Variants in KIAA1217 observed in about 807,000 individuals in gnomAD.
KIAA1217 encodes the protein KIAA1217, also known as sickle tail protein homolog.
Under a neutral mutation model 163.9 loss-of-function variants are expected in KIAA1217, and 88 were observed. That is an observed-to-expected ratio of 0.54 (90% CI 0.45 to 0.64). The LOEUF (loss-of-function observed/expected upper bound fraction) is 0.64, where lower values mean the gene tolerates loss of function less well. Among genes scored for constraint, KIAA1217 ranks in the 30% least tolerant of loss-of-function variants. KIAA1217 has a pLI of 0.00. For missense variants in KIAA1217, 2,372 were observed against 2,475.0 expected (o/e 0.96, Z 0.88); for synonymous variants, 903 against 923.1 (o/e 0.98, Z 0.39).
intron 2 of KIAA1217, among the ~76,000 whole-genome samples, chr10:24,055,514 C>A (rs1029264792): frequency 1.3e-5 from 2 of 152,154 alleles, no homozygotes; most frequent in African/African-American, 4.8e-5. Flanking sequence ...CATTTAGAGG[C>A]TTTCAGCATC....
chr10:24,120,248 G>A (rs538965395), intron 2 of KIAA1217, among the ~76,000 whole-genome samples: 2 of 152,208 alleles, frequency 1.3e-5, no homozygotes, highest in South Asian at 2.1e-4. Context: ...TAGTCCAAGG[G>A]TAAAGTCCCA....
At chr10:24,345,227 G>A (rs1201770086) in intron 2 of KIAA1217, among the ~76,000 whole-genome samples, 1 of 152,204 alleles carries the variant, frequency 6.6e-6, no homozygotes, top group Non-Finnish European at 1.5e-5. Context: ...GGTGGTAGAA[G>A]CCACGGCAGA....
chr10:24,227,378 C>T (rs190236279), intron 2 of KIAA1217, among the ~76,000 whole-genome samples: 42 of 151,848 alleles, frequency 2.8e-4, no homozygotes, highest in African/African-American at 9.4e-4. Flanking sequence ...AGGCTGATCT[C>T]AAACTCCTGA....
intron 1 of KIAA1217, among the ~76,000 whole-genome samples, chr10:23,755,550 T>C (rs1487184878): frequency 1.3e-5 from 2 of 152,288 alleles, no homozygotes; most frequent in East Asian, 1.9e-4. Context: ...CTTTTCTCCC[T>C]GGTGGCCTCG....
At chr10:23,721,716 A>AT (rs1337004916) in intron 1 of KIAA1217, among the ~76,000 whole-genome samples, 2 of 152,106 alleles carry the variant, frequency 1.3e-5, no homozygotes, top group African/African-American at 4.8e-5. Context: ...TAGGAATCAT[A>AT]TTTTTTGTCT....
intron 2 of KIAA1217, among the ~76,000 whole-genome samples, chr10:24,357,680 G>T (rs573101041): frequency 6.6e-6 from 1 of 152,322 alleles, no homozygotes; most frequent in Non-Finnish European, 1.5e-5. Flanking sequence ...TAAGTTTCGT[G>T]TTCCAAGGAA....
chr10:24,212,204 G>A (rs1042391762), intron 1 of KIAA1217, among the ~76,000 whole-genome samples: 1 of 152,226 alleles, frequency 6.6e-6, no homozygotes, highest in Non-Finnish European at 1.5e-5. Context: ...AAGAGAAAAA[G>A]AGGAGTCAGA....
At chr10:23,707,947 G>C (rs1836996646) in intron 1 of KIAA1217, among the ~76,000 whole-genome samples, 1 of 152,160 alleles carries the variant, frequency 6.6e-6, no homozygotes, top group Non-Finnish European at 1.5e-5. Flanking sequence ...TGGTCACAGA[G>C]GGAAGGAAGG....
rs539909637 is a variant in KIAA1217 at position 24,225,160 on chromosome 10, TCTCA to T, written c.354+5255_354+5258del. ...ACTTTTTTATTTTTTCAAGACAAGA[TCTCA>T]CTCTTGTTTAGAGTGCAGTGGCGTG... is the stretch of plus-strand genomic sequence containing the variant. On this transcript the variant is annotated intron_variant, in intron 2 of 20. Transcript: ENST00000376454. 3.8e-4 allele frequency among the ~76,000 whole-genome samples: 58 copies of T among 152,178 alleles called. No homozygotes were observed. The East Asian group carries it at 9.7e-3, about 25-fold the overall frequency.
At chr10:24,440,029 T>A (rs1255262461) in intron 5 of KIAA1217, among the ~76,000 whole-genome samples, 1 of 152,196 alleles carries the variant, frequency 6.6e-6, no homozygotes, top group Non-Finnish European at 1.5e-5. Context: ...TGGGAGAAGG[T>A]CTGTCCTTCT....
rs371525291 is a variant in KIAA1217 at position 23,896,923 on chromosome 10, A to G, written c.-320-110302A>G. Among the ~76,000 whole-genome samples the G allele has an allele frequency of 1.1e-4, 16 of 152,212 alleles. No homozygotes were observed. The East Asian group carries it at 1.7e-3, about 17-fold the overall frequency. On this transcript the variant is annotated intron_variant, in intron 1 of 18. Coordinates refer to the KIAA1217 transcript ENST00000376462. ...TAGAGGTTAGAAACTCTAAGTGGAC[A>G]CTTAAGGATTTTGCTTCTTTGAGAT...
At chr10:23,869,122 TAG>T (rs1564492436) in intron 1 of KIAA1217, among the ~76,000 whole-genome samples, 1 of 140,836 alleles carries the variant, frequency 7.1e-6, no homozygotes, top group East Asian at 2.0e-4. Context: ...TCATGAAATG[TAG>T]TTTTTTTTTT....
intron 2 of KIAA1217, among the ~76,000 whole-genome samples, chr10:24,342,592 T>C (rs577576655): frequency 5.3e-5 from 8 of 152,016 alleles, no homozygotes. Context: ...TGTATGTCGC[T>C]TCTCCACTTA....
chr10:24,202,826 C>T (rs1289704106), intron 2 of KIAA1217, among the ~76,000 whole-genome samples: 1 of 152,184 alleles, frequency 6.6e-6, no homozygotes, highest in East Asian at 1.9e-4. Context: ...TGCCTTAGGG[C>T]TCTTACAGCA....
At chr10:23,903,001 C>T (rs947377197) in intron 1 of KIAA1217, among the ~76,000 whole-genome samples, 1 of 151,956 alleles carries the variant, frequency 6.6e-6, no homozygotes, top group Non-Finnish European at 1.5e-5. Context: ...GAAATGGGAG[C>T]CAATTTCAGT....
At chr10:24,302,811 T>C (rs2041531395) in intron 2 of KIAA1217, among the ~76,000 whole-genome samples, 1 of 152,230 alleles carries the variant, frequency 6.6e-6, no homozygotes, top group East Asian at 1.9e-4. Context: ...TGTGGATATC[T>C]GTCTAGTGGA....
chr10:24,436,682 C>T (rs1034262780), intron 4 of KIAA1217, among the ~76,000 whole-genome samples: 4 of 139,088 alleles, frequency 2.9e-5, no homozygotes, highest in Non-Finnish European at 4.5e-5. Flanking sequence ...GCTGTGAACC[C>T]GGGAAGCGGA....
chr10:24,404,948 C>G (rs546978397), intron 3 of KIAA1217, among the ~76,000 whole-genome samples: 4 of 152,100 alleles, frequency 2.6e-5, no homozygotes, highest in Non-Finnish European at 5.9e-5. Context: ...AGATGCAGAA[C>G]GGATTAGTAG....
intron 1 of KIAA1217, among the ~76,000 whole-genome samples, chr10:23,731,017 TC>T (rs1838444604): frequency 6.6e-6 from 1 of 152,196 alleles, no homozygotes; most frequent in Admixed American, 6.5e-5. Context: ...AGCTAGCACT[TC>T]CAGTTCAATG....
Sources: allele counts gnomAD v4.1 joint callset (sites outside exome capture counted in the v4.1 genomes callset), GRCh38; gene constraint gnomAD v4.1.1; transcripts MANE v1.5; gene names NCBI Gene and HGNC (gene_info 2026-07-23, HGNC 2026-07-21).